The following ATP13A4 variants were observed in gnomAD, a reference collection of about 807,000 sequenced individuals.
ATP13A4 encodes probable cation-transporting ATPase 13A4.
In ATP13A4, 114 loss-of-function variants were observed where a neutral mutation model predicts 142.5. That is an observed-to-expected ratio of 0.80 (90% CI 0.69 to 0.93). The LOEUF (loss-of-function observed/expected upper bound fraction) is 0.93, where lower values mean the gene tolerates loss of function less well. Among genes scored for constraint, ATP13A4 ranks in the 40% least tolerant of loss-of-function variants. The pLI is 0.00. For missense variants in ATP13A4, 1,392 were observed against 1,454.0 expected (o/e 0.96, Z 0.69); for synonymous variants, 488 against 514.8 (o/e 0.95, Z 0.70).
At position 193,460,002 on chromosome 3, in the gene ATP13A4, C is replaced by T. The variant is rs926654440; in HGVS notation, c.1524-771G>A. Among the ~76,000 whole-genome samples the T allele has an allele frequency of 1.2e-4, 19 of 152,250 alleles. No individual in the cohort carries two copies. In the East Asian group the frequency reaches 1.4e-3, roughly 11 times the overall value. On this transcript the variant is annotated intron_variant, in intron 13 of 29. Coordinates refer to ENST00000342695, the MANE Select transcript of ATP13A4 (RefSeq NM_032279.4). Reference sequence around the variant, plus strand: ...CCCCTTCTCAAATGTGCAGCACAGGCGTTGGTTCTCAAAGCAGCTTACCCT... The same window carrying T: ...CCCCTTCTCAAATGTGCAGCACAGGTGTTGGTTCTCAAAGCAGCTTACCCT...
At chr3:193,533,986 T>C (rs1722463065) in intron 1 of ATP13A4, among the ~76,000 whole-genome samples, 1 of 152,156 alleles carries the variant, frequency 6.6e-6, no homozygotes, top group Admixed American at 6.5e-5. Context: ...AGTAGAGAGT[T>C]AGAACTTTCC....
intron 29 of ATP13A4, among the ~76,000 whole-genome samples, chr3:193,403,408 T>G (rs951162702): frequency 6.6e-6 from 1 of 152,204 alleles, no homozygotes; most frequent in Non-Finnish European, 1.5e-5. Flanking sequence ...TATGGGCAAA[T>G]TAGTTACTCT....
At position 193,412,291 on chromosome 3, in the gene ATP13A4, G is replaced by A. The variant is rs1714809447; in HGVS notation, c.3095C>T (p.Thr1032Ile). Reference protein sequence around the residue: ...TAPEKMESNSTFTSFENTTVW... With the variant: ...TAPEKMESNSIFTSFENTTVW... The stretch of plus-strand genomic sequence containing the variant: ...TGTAGTGTTCTCAAAACTTGTGAAG[G>A]TGCTATTACTTTCCATTTTTTCTGG... The change falls in exon 27 of 30, where the codon ACC becomes ATC. Residue 1032 changes from threonine (T) to isoleucine (I), a missense_variant. By Grantham distance (89) the Thr-to-Ile change is moderately conservative (BLOSUM62 -1). Transcript: ENST00000342695. 3 of 1,613,574 alleles carry A rather than the reference G, an allele frequency of 1.9e-6. No individual in the cohort carries two copies. The highest frequency in any genetic ancestry group is 1.3e-5 in the African/African-American group (1 of 74,898).
Position 193,494,531 on chromosome 3 carries a change from T to C in ATP13A4, c.382-1371A>G, listed in dbSNP as rs1720120096. Among the ~76,000 whole-genome samples the C allele has an allele frequency of 1.3e-5, 2 of 151,964 alleles. 1 individual carries two copies. The highest frequency in any genetic ancestry group is 4.1e-4 in the South Asian group (2 of 4,832). ...AACAACATGCTCCTGAACAACCAAT[T>C]GGTCAACAAAGAAATTAAAAGAGAC... On this transcript the variant is annotated intron_variant, in intron 3 of 29. Coordinates refer to ENST00000342695, the MANE Select transcript of ATP13A4 (RefSeq NM_032279.4).
Position 193,570,752 on chromosome 3 carries a change from G to T in ATP13A4, n.291+10955C>A, listed in dbSNP as rs1016440669. Among the ~76,000 whole-genome samples the T allele has an allele frequency of 2.0e-5, 3 of 152,186 alleles. No homozygotes were observed. The East Asian group carries it at 5.8e-4, about 29-fold the overall frequency. On this transcript the variant is annotated intron_variant and non_coding_transcript_variant, in intron 2 of 3. Coordinates refer to the ATP13A4 transcript ENST00000489140. ...TCTCACAGACCAGAGCTTGCATCCT[G>T]TGTACCAGTTGTGTGGTCAGGGGAA...
intron 2 of ATP13A4, among the ~76,000 whole-genome samples, chr3:193,506,302 G>C (rs1339769874): frequency 6.6e-6 from 1 of 152,152 alleles, no homozygotes; most frequent in African/African-American, 2.4e-5. Context: ...CAAAGTGCTT[G>C]CCTGGCAAAT....
At chr3:193,539,169 G>A (rs958789237) in intron 1 of ATP13A4, among the ~76,000 whole-genome samples, 2 of 152,050 alleles carry the variant, frequency 1.3e-5, no homozygotes, top group East Asian at 1.9e-4. Flanking sequence ...CATCATGCCC[G>A]GCCATAGGTG....
intron 25 of ATP13A4, among the ~76,000 whole-genome samples, chr3:193,418,109 G>C (rs1170444825): frequency 1.3e-4 from 11 of 87,238 alleles, no homozygotes; most frequent in Non-Finnish European, 2.0e-4. Flanking sequence ...GCGACAGAGC[G>C]AGACTCCGTC....
intron 3 of ATP13A4, 118 bp from the exon 4 acceptor site, chr3:193,493,278 T>G (rs1720044341): frequency 6.0e-6 from 5 of 840,058 alleles, no homozygotes; most frequent in Non-Finnish European, 9.5e-6. Flanking sequence ...CATACTTATT[T>G]AAGATTTTAT....
At chr3:193,571,879 G>C (rs1424260995) in intron 2 of ATP13A4, among the ~76,000 whole-genome samples, 1 of 152,074 alleles carries the variant, frequency 6.6e-6, no homozygotes, top group East Asian at 1.9e-4. Context: ...TAATAAAAAG[G>C]ACGTTAGGTA....
In ATP13A4 at chr3:193,470,905, G is replaced by A. The variant is rs141926131; in HGVS notation, c.897C>T (p.Ala299=). ...CCACACAGCTGCCTTCAATCAGAACGGCATCACATGGCATTAGCACTTTGT... is the reference window on the plus strand; with the variant it reads ...CCACACAGCTGCCTTCAATCAGAACAGCATCACATGGCATTAGCACTTTGT... ...TGNKVLMPCD[A]VLIEGSCVVD... Residue 299 remains alanine, a synonymous_variant, in exon 9 of 30, where the codon GCC becomes GCT. Coordinates refer to ENST00000342695, the MANE Select transcript of ATP13A4 (RefSeq NM_032279.4). 2.2e-5 allele frequency: 36 copies of A among 1,614,070 alleles called. No homozygotes were observed. Among genetic ancestry groups the A allele is most frequent in the African/African-American group, 1.2e-4 (9 of 74,994 alleles).
intron 1 of ATP13A4, among the ~76,000 whole-genome samples, chr3:193,586,090 TACACACACACAC>T (rs60074904): frequency 8.0e-5 from 12 of 150,940 alleles, no homozygotes; most frequent in Middle Eastern, 3.4e-3. Context: ...TATACACACA[TACACACACACAC>T]ACACACACAC....
intron 13 of ATP13A4, among the ~76,000 whole-genome samples, chr3:193,460,097 A>G (rs1272155078): frequency 6.6e-6 from 1 of 152,130 alleles, no homozygotes; most frequent in African/African-American, 2.4e-5. Context: ...GGGAGCCAGT[A>G]AGGGTCCACT....
Position 193,554,756 on chromosome 3 carries a change from CCTT to C in ATP13A4, c.41_43del (p.Glu14del). ...GAATCTTACCATCTCATTCTCTTCTCCTTCATTGAGCAGAGCGTGCTGGCCCTT... is the reference window on the plus strand; with the variant it reads ...GAATCTTACCATCTCATTCTCTTCTCCATTGAGCAGAGCGTGCTGGCCCTT... On this transcript the variant is annotated inframe_deletion, in exon 1 of 30. Transcript: ENST00000342695. The C allele has an allele frequency of 3.1e-6, 5 of 1,613,588 alleles. No individual in the cohort carries two copies. Among genetic ancestry groups the C allele is most frequent in the Non-Finnish European group, 4.2e-6 (5 of 1,179,768 alleles).
chr3:193,497,239 T>G (rs937728669), intron 3 of ATP13A4, among the ~76,000 whole-genome samples: 1 of 151,974 alleles, frequency 6.6e-6, no homozygotes, highest in African/African-American at 2.4e-5. Flanking sequence ...AACAACTATT[T>G]GATAGAAAAT....
intron 17 of ATP13A4, among the ~76,000 whole-genome samples, chr3:193,450,827 T>G (rs1022383219): frequency 6.6e-6 from 1 of 152,088 alleles, no homozygotes; most frequent in Non-Finnish European, 1.5e-5. Context: ...TGCCAGGCCA[T>G]AAAGGGAGCT....
At chr3:193,492,654 G>A (rs530144523) in intron 5 of ATP13A4, among the ~76,000 whole-genome samples, 25 of 152,126 alleles carry the variant, frequency 1.6e-4, no homozygotes, top group African/African-American at 5.1e-4. Context: ...GTGTGACCTC[G>A]TTCCGGCCAT....
intron 12 of ATP13A4, among the ~76,000 whole-genome samples, chr3:193,464,500 G>A (rs916283226): frequency 5.3e-5 from 8 of 152,232 alleles, no homozygotes; most frequent in African/African-American, 1.9e-4. Context: ...GAGTATCATA[G>A]TAAGGCACAG....
intron 16 of ATP13A4, among the ~76,000 whole-genome samples, chr3:193,455,512 A>C (rs1283542275): frequency 6.6e-6 from 1 of 152,208 alleles, no homozygotes; most frequent in East Asian, 1.9e-4. Context: ...CAGAATGGTG[A>C]TCATTAAAAA....
Sources: gnomAD v4.1 joint callset for allele counts (sites outside exome capture counted in the v4.1 genomes callset) on GRCh38, gnomAD v4.1.1 for gene constraint, MANE v1.5 for transcripts, NCBI Gene and HGNC (gene_info 2026-07-23, HGNC 2026-07-21) for gene names.